Variants in PTH2R observed in about 807,000 individuals in gnomAD.
The protein encoded by PTH2R is parathyroid hormone 2 receptor.
A neutral mutation model predicts 60.3 loss-of-function variants in PTH2R; 59 were observed. The ratio of observed to expected loss-of-function variants is 0.98; its 90% CI spans 0.79 to 1.22. The LOEUF (loss-of-function observed/expected upper bound fraction) is 1.22, where lower values mean the gene tolerates loss of function less well. PTH2R is among the 50% of genes most tolerant of loss of function. The pLI is 0.00. For synonymous variants in PTH2R, 256 were observed against 243.8 expected (o/e 1.05, Z -0.47); for missense variants, 749 against 682.6 (o/e 1.10, Z -1.08).
intron 12 of PTH2R, among the ~76,000 whole-genome samples, chr2:208,491,381 G>A (rs1006926435): frequency 2.6e-5 from 4 of 152,146 alleles, no homozygotes; most frequent in African/African-American, 9.7e-5. Flanking sequence ...TATTTTGCAG[G>A]AGGGGTAAGT....
chr2:208,470,422 A>AT lies in PTH2R; in HGVS notation c.981+10462dup, dbSNP rs1413829902. 1.3e-5 allele frequency among the ~76,000 whole-genome samples: 2 copies of AT among 151,334 alleles called. 1 individual carries two copies. The highest frequency in any genetic ancestry group is 2.9e-5 in the Non-Finnish European group (2 of 68,020). ...TCCAGATCTCATCTTGAATTTCCAC[A>AT]TGTTGTGGGAGAGATCTGTGGGAGG... On this transcript the variant is annotated intron_variant, in intron 9 of 12. Transcript: ENST00000272847.
chr2:208,447,336 C>T (rs1182210618), intron 7 of PTH2R, among the ~76,000 whole-genome samples: 2 of 151,852 alleles, frequency 1.3e-5, no homozygotes, highest in Non-Finnish European at 2.9e-5. Context: ...CGCCTGTAAT[C>T]CCAGGACTTT....
chr2:208,393,293 C>A (rs1170007310), intron 1 of PTH2R, among the ~76,000 whole-genome samples: 2 of 61,174 alleles, frequency 3.3e-5, no homozygotes, highest in Non-Finnish European at 6.1e-5. Context: ...TGTCCCTCAA[C>A]TGAATCAGGG....
chr2:208,395,965 A>G (rs954978904), intron 1 of PTH2R, among the ~76,000 whole-genome samples: 2 of 152,210 alleles, frequency 1.3e-5, no homozygotes, highest in African/African-American at 4.8e-5. Flanking sequence ...AAACAGAGAT[A>G]TAGACCAGTG....
chr2:208,369,601 G>A (rs1439512307), intron 1 of PTH2R, among the ~76,000 whole-genome samples: 2 of 151,856 alleles, frequency 1.3e-5, no homozygotes, highest in East Asian at 1.9e-4. Context: ...CAAGTGATCC[G>A]CCAGCCTCGG....
chr2:208,443,512 CA>C lies in PTH2R; in HGVS notation c.676del (p.Thr226LeufsTer16). 1 of 1,609,788 alleles carries C rather than the reference CA, an allele frequency of 6.2e-7. No individual in the cohort carries two copies. On this transcript the variant is annotated frameshift_variant, in exon 6 of 13. Transcript: ENST00000272847. LOFTEE classifies it high-confidence loss of function. ...GATGACCCACAAAATTCCATTGAGGCAACTTCTGTGGACAAATCACAATATG... is the reference window on the plus strand; with the variant it reads ...GATGACCCACAAAATTCCATTGAGGCACTTCTGTGGACAAATCACAATATG... ...MQDDPQNSIE[A>X]TSVDKSQYIG...
At chr2:208,437,123 A>G (rs1020828869) in intron 2 of PTH2R, among the ~76,000 whole-genome samples, 2 of 152,210 alleles carry the variant, frequency 1.3e-5, no homozygotes, top group Non-Finnish European at 1.5e-5. Flanking sequence ...CTTGCCAGTG[A>G]AGTGCGCTGC....
At position 208,377,992 on chromosome 2, in the gene PTH2R, A is replaced by G. The variant is rs1270871314; in HGVS notation, c.-259+17755A>G. Among the ~76,000 whole-genome samples, 18 of 152,176 alleles carry G rather than the reference A, an allele frequency of 1.2e-4. No individual in the cohort carries two copies. The East Asian group carries it at 3.1e-3, about 26-fold the overall frequency. On this transcript the variant is annotated intron_variant, in intron 1 of 12. Coordinates refer to the PTH2R transcript ENST00000617735. ...GGGTGGCGGCCAGGCAGAGGCTGCA[A>G]TCTCGGCACTTTGGGAGGCCAAGGC...
intron 10 of PTH2R, among the ~76,000 whole-genome samples, chr2:208,483,563 T>C (rs1703205783): frequency 1.3e-5 from 2 of 152,166 alleles, no homozygotes; most frequent in Admixed American, 1.3e-4. Flanking sequence ...ATATTTTGAA[T>C]TAATTCATGG....
intron 1 of PTH2R, among the ~76,000 whole-genome samples, chr2:208,374,767 A>G (rs954950718): frequency 6.6e-6 from 1 of 152,064 alleles, no homozygotes; most frequent in African/African-American, 2.4e-5. Flanking sequence ...CAGCCCCACA[A>G]AGTGCTGGGA....
At chr2:208,419,672 C>T (rs1701711949) in intron 1 of PTH2R, among the ~76,000 whole-genome samples, 1 of 152,168 alleles carries the variant, frequency 6.6e-6, no homozygotes, top group African/African-American at 2.4e-5. Flanking sequence ...ACATTTAAGT[C>T]TTTAATCCAT....
chr2:208,451,171 A>T (rs548666523), intron 8 of PTH2R, among the ~76,000 whole-genome samples: 2 of 152,244 alleles, frequency 1.3e-5, no homozygotes, highest in South Asian at 4.1e-4. Flanking sequence ...GGCAGTGTTC[A>T]TACTCTCTCT....
Position 208,459,801 on chromosome 2 carries a change from G to A in PTH2R, c.915-94G>A, listed in dbSNP as rs1702596098. The A allele has an allele frequency of 1.4e-5, 13 of 951,314 alleles. No individual in the cohort carries two copies. The South Asian group carries it at 1.7e-4, about 13-fold the overall frequency. The allele number at this position is 951,314 out of a possible 1,614,324, so 58.9% of individuals were successfully genotyped here. On this transcript the variant is annotated intron_variant, in intron 8 of 12. Transcript: ENST00000272847. ...CTATTTGTTTCTTAATTGGAAGTGT[G>A]GGGTTGGAGTTTTTGGTAAAACTTA...
At chr2:208,436,296 AGTCT>A (rs1460284092) in intron 2 of PTH2R, among the ~76,000 whole-genome samples, 2 of 152,098 alleles carry the variant, frequency 1.3e-5, no homozygotes, top group South Asian at 2.1e-4. Flanking sequence ...TAAGGGAATA[AGTCT>A]GTCTGAGTGA....
intron 1 of PTH2R, among the ~76,000 whole-genome samples, chr2:208,391,231 T>A (rs566107225): frequency 3.9e-5 from 6 of 152,342 alleles, no homozygotes; most frequent in Middle Eastern, 3.4e-3. Context: ...CTTAGACGTT[T>A]CTCGATTTAA....
rs904617480 is a variant in PTH2R at position 208,374,501 on chromosome 2, G to A, written c.-259+14264G>A. On this transcript the variant is annotated intron_variant, in intron 1 of 12. Coordinates refer to the PTH2R transcript ENST00000617735. ...ATCGATTACTGTTTAGAATTCAAAC[G>A]ACATTTATTTATTTACTTTGAGATG... 3.3e-5 allele frequency among the ~76,000 whole-genome samples: 5 copies of A among 151,938 alleles called. No homozygotes were observed. The East Asian group carries it at 7.7e-4, about 23-fold the overall frequency.
intron 1 of PTH2R, among the ~76,000 whole-genome samples, chr2:208,427,400 A>G (rs1359735957): frequency 1.3e-5 from 2 of 152,180 alleles, no homozygotes; most frequent in African/African-American, 4.8e-5. Context: ...GTATCTACTT[A>G]TAACTCAGAA....
At chr2:208,362,367 G>A (rs1700491428) in intron 1 of PTH2R, among the ~76,000 whole-genome samples, 1 of 151,932 alleles carries the variant, frequency 6.6e-6, no homozygotes. Context: ...ATATAGATAT[G>A]ATATCTATAT....
At chr2:208,438,269 C>T (rs1337111135) in intron 4 of PTH2R, among the ~76,000 whole-genome samples, 2 of 152,146 alleles carry the variant, frequency 1.3e-5, no homozygotes, top group African/African-American at 4.8e-5. Flanking sequence ...CCAGAAGGAC[C>T]TTTGCATTTT....
Sources: gnomAD v4.1 joint callset for allele counts (sites outside exome capture counted in the v4.1 genomes callset) on GRCh38, gnomAD v4.1.1 for gene constraint, MANE v1.5 for transcripts, NCBI Gene and HGNC (gene_info 2026-07-23, HGNC 2026-07-21) for gene names.